PRND: variants seen among roughly 807,000 people sequenced by gnomAD.
PRND encodes prion-like protein doppel.
For missense variants in PRND, 227 were observed against 223.3 expected (o/e 1.02, Z -0.11); for synonymous variants, 94 against 93.2 (o/e 1.01, Z -0.05).
In PRND at chr20:4,726,255, A is replaced by C. The variant is rs1256939364; in HGVS notation, c.*1173A>C. On this transcript the variant is annotated 3_prime_UTR_variant, in exon 2 of 2. Coordinates refer to ENST00000305817, the MANE Select transcript of PRND (RefSeq NM_012409.4). ...CATATTTGCTTCTAATGTTCCCCTA[A>C]CCCTACATGCATGTTTTATGTGCAC... The C allele has an allele frequency of 6.1e-6, 1 of 164,738 alleles. No individual in the cohort carries two copies. Among genetic ancestry groups the C allele is most frequent in the Non-Finnish European group, 1.5e-5 (1 of 67,822 alleles). 10.2% of individuals were successfully genotyped at this position (164,738 alleles called of 1,614,324 possible). A position where few individuals can be genotyped will look rare whatever the true frequency, so the allele number is the denominator to read the frequency against.
At position 4,726,309 on chromosome 20, in the gene PRND, T is replaced by G. The variant is rs757911737; in HGVS notation, c.*1227T>G. 1.2e-5 allele frequency: 2 copies of G among 166,952 alleles called. No individual in the cohort carries two copies. Among genetic ancestry groups the G allele is most frequent in the Non-Finnish European group, 2.9e-5 (2 of 68,108 alleles). 10.3% of individuals were successfully genotyped at this position (166,952 alleles called of 1,614,324 possible). On this transcript the variant is annotated 3_prime_UTR_variant, in exon 2 of 2. Coordinates refer to ENST00000305817, the MANE Select transcript of PRND (RefSeq NM_012409.4). ...TATGAGTATCTTTAAATATAATCCC[T>G]TTACATCTGTGTTCTATGCAAAGTC...
At chr20:4,722,807 A>G (rs1020790017) in intron 1 of PRND, among the ~76,000 whole-genome samples, 2 of 152,042 alleles carry the variant, frequency 1.3e-5, no homozygotes, top group Non-Finnish European at 2.9e-5. Context: ...CCATTTCCCT[A>G]ATCCACACAG....
In PRND at chr20:4,724,707, T is replaced by C. The variant is rs762304217; in HGVS notation, c.156T>C (p.Ala52=). Residue 52 remains alanine (A), a synonymous_variant, in exon 2 of 2, where the codon GCT becomes GCC. Coordinates refer to ENST00000305817, the MANE Select transcript of PRND (RefSeq NM_012409.4). This position sits in a 1 kb window ranked among gnomAD's most constrained non-coding sequence, Gnocchi z 4.8. ...STAQITEAQV[A]ENRPGAFIKQ... ...CCCAGATCACTGAGGCCCAGGTGGC[T>C]GAGAACCGCCCGGGAGCCTTCATCA... 10 of 1,614,190 alleles carry C rather than the reference T, an allele frequency of 6.2e-6. No homozygotes were observed. The Admixed American group carries it at 1.5e-4, about 24-fold the overall frequency.
chr20:4,726,314 A>G lies in PRND; in HGVS notation c.*1232A>G. ...GTATCTTTAAATATAATCCCTTTAC[A>G]TCTGTGTTCTATGCAAAGTCTCTCA... On this transcript the variant is annotated 3_prime_UTR_variant, in exon 2 of 2. Coordinates refer to ENST00000305817, the MANE Select transcript of PRND (RefSeq NM_012409.4). 1 of 166,808 alleles carries G rather than the reference A, an allele frequency of 6.0e-6. No individual in the cohort carries two copies. The allele number at this position is 166,808 out of a possible 1,614,324, so 10.3% of individuals were successfully genotyped here. A position where few individuals can be genotyped will look rare whatever the true frequency, so the allele number is the denominator to read the frequency against.
Position 4,724,981 on chromosome 20 carries a change from C to T in PRND, c.430C>T (p.His144Tyr). 1.2e-6 allele frequency: 2 copies of T among 1,613,932 alleles called. No homozygotes were observed. Among genetic ancestry groups the T allele is most frequent in the Non-Finnish European group, 1.7e-6 (2 of 1,179,956 alleles). ...GGTCCAGGAGCTCTGCTCCCTCAAG[C>T]ATTGCGAGTTTTGGTTGGAGAGGGG... ...RLVQELCSLK[H>Y]CEFWLERGAG... is the part of the protein sequence containing the mutation. The change falls in exon 2 of 2, where the codon CAT (histidine) becomes TAT (tyrosine). Residue 144 changes from histidine to tyrosine, a missense_variant. His to Tyr is a moderately conservative substitution (Grantham distance 83, BLOSUM62 2). Transcript: ENST00000305817. The surrounding 1 kb of genome is among the most constrained non-coding windows in gnomAD (Gnocchi z 4.8).
Position 4,724,439 on chromosome 20 carries a change from C to G in PRND, c.-11-102C>G. 5 of 1,425,476 alleles carry G rather than the reference C, an allele frequency of 3.5e-6. No individual in the cohort carries two copies. The South Asian group carries it at 5.8e-5, about 17-fold the overall frequency. The allele number at this position is 1,425,476 out of a possible 1,614,324, so 88.3% of individuals were successfully genotyped here. On this transcript the variant is annotated intron_variant, in intron 1 of 1. Coordinates refer to ENST00000305817, the MANE Select transcript of PRND (RefSeq NM_012409.4). This position sits in a 1 kb window ranked among gnomAD's most constrained non-coding sequence, Gnocchi z 4.8. ...TGCTTTTGAGACCACATAAATAGCA[C>G]AAGGATGCGATTCCTTCCTTAAAAT...
intron 1 of PRND, among the ~76,000 whole-genome samples, chr20:4,723,976 ATG>A (rs796277448): frequency 5.1e-4 from 55 of 108,342 alleles, no homozygotes; most frequent in African/African-American, 2.0e-3. Context: ...GTGTGTGTGT[ATG>A]TGTGTGTGTC....
chr20:4,722,835 A>G (rs1180095373), intron 1 of PRND, among the ~76,000 whole-genome samples: 1 of 152,110 alleles, frequency 6.6e-6, no homozygotes, highest in Admixed American at 6.5e-5. Context: ...CCCAGGTGCT[A>G]GAATGCCCTG....
In PRND at chr20:4,724,926, C is replaced by A; in HGVS notation, c.375C>A (p.Asn125Lys). 2.5e-6 allele frequency: 4 copies of A among 1,614,200 alleles called. No individual in the cohort carries two copies. The highest frequency in any genetic ancestry group is 3.4e-6 in the Non-Finnish European group (4 of 1,180,048). The change falls in exon 2 of 2, where the codon AAC becomes AAA. Residue 125 changes from asparagine (N) to lysine (K), a missense_variant. Physicochemically the swap from Asn to Lys is moderately conservative, Grantham distance 94. Transcript: ENST00000305817. The surrounding 1 kb of genome is among the most constrained non-coding windows in gnomAD (Gnocchi z 4.8). ...ANQGEFQKPD[N>K]KLHQQVLWRL... ...AGGGGGAGTTCCAGAAGCCAGACAA[C>A]AAGCTCCACCAGCAGGTGCTCTGGC...
intron 1 of PRND, among the ~76,000 whole-genome samples, chr20:4,722,252 T>G (rs1445156811): frequency 6.6e-6 from 1 of 152,136 alleles, no homozygotes; most frequent in Non-Finnish European, 1.5e-5. Context: ...TGCTTTTATT[T>G]TTTTTATTTG....
Position 4,724,742 on chromosome 20 carries a change from G to A in PRND, c.191G>A (p.Arg64His), listed in dbSNP as rs747210588. The A allele has an allele frequency of 4.3e-6, 7 of 1,614,228 alleles. No homozygotes were observed. Among genetic ancestry groups the A allele is most frequent in the Admixed American group, 1.7e-5 (1 of 60,026 alleles). Residue 64 changes from arginine (R) to histidine (H), a missense_variant, in exon 2 of 2, where the codon CGC (arginine) becomes CAC (histidine). Physicochemically the swap from Arg to His is conservative, Grantham distance 29 (BLOSUM62 0). Coordinates refer to ENST00000305817, the MANE Select transcript of PRND (RefSeq NM_012409.4). The surrounding 1 kb of genome is among the most constrained non-coding windows in gnomAD (Gnocchi z 4.8). ...CCGGGAGCCTTCATCAAGCAAGGCC[G>A]CAAGCTCGACATTGACTTCGGAGCC... ...NRPGAFIKQG[R>H]KLDIDFGAEG...
chr20:4,723,592 A>G (rs1173059291), intron 1 of PRND, among the ~76,000 whole-genome samples: 1 of 152,166 alleles, frequency 6.6e-6, no homozygotes, highest in African/African-American at 2.4e-5. Context: ...CTCAGAATGG[A>G]TGGCAGAATG....
Position 4,724,900 on chromosome 20 carries a change from C to G in PRND, c.349C>G (p.Gln117Glu). Reference protein sequence around the residue: ...GCINATQAANQGEFQKPDNKL... With the variant: ...GCINATQAANEGEFQKPDNKL... ...CATCAATGCCACCCAGGCGGCGAACCAGGGGGAGTTCCAGAAGCCAGACAA... is the reference window on the plus strand; with the variant it reads ...CATCAATGCCACCCAGGCGGCGAACGAGGGGGAGTTCCAGAAGCCAGACAA... The change falls in exon 2 of 2, where the codon CAG (glutamine) becomes GAG (glutamate). Residue 117 changes from glutamine (Q) to glutamate (E), a missense_variant. Coordinates refer to ENST00000305817, the MANE Select transcript of PRND (RefSeq NM_012409.4). The surrounding 1 kb of genome is among the most constrained non-coding windows in gnomAD (Gnocchi z 4.8). 1 of 1,614,170 alleles carries G rather than the reference C, an allele frequency of 6.2e-7. No homozygotes were observed. Among genetic ancestry groups the G allele is most frequent in the South Asian group, 1.1e-5 (1 of 91,086 alleles).
chr20:4,723,761 T>C (rs1923170159), intron 1 of PRND, among the ~76,000 whole-genome samples: 1 of 151,994 alleles, frequency 6.6e-6, no homozygotes, highest in Non-Finnish European at 1.5e-5. Flanking sequence ...GAGACCCCGT[T>C]TCTACAACAT....
Position 4,724,938 on chromosome 20 carries a change from G to T in PRND, c.387G>T (p.Gln129His). ...AGAAGCCAGACAACAAGCTCCACCA[G>T]CAGGTGCTCTGGCGGCTGGTCCAGG... The part of the protein sequence containing the change: ...EFQKPDNKLH[Q>H]QVLWRLVQEL... Residue 129 changes from glutamine (Q) to histidine (H), a missense_variant, in exon 2 of 2, where the codon CAG becomes CAT. Transcript: ENST00000305817. This position sits in a 1 kb window ranked among gnomAD's most constrained non-coding sequence, Gnocchi z 4.8. 6.2e-7 allele frequency: 1 copy of T among 1,614,180 alleles called. No individual in the cohort carries two copies. The highest frequency in any genetic ancestry group is 8.5e-7 in the Non-Finnish European group (1 of 1,180,048).
In PRND at chr20:4,724,584, C is replaced by T; in HGVS notation, c.33C>T (p.Ala11=). The T allele has an allele frequency of 6.2e-7, 1 of 1,614,076 alleles. No individual in the cohort carries two copies. The highest frequency in any genetic ancestry group is 8.5e-7 in the Non-Finnish European group (1 of 1,180,032). MRKHLSWWWL[A]TVCMLLFSHL... is the part of the protein sequence containing the mutation. ...AGCACCTGAGCTGGTGGTGGCTGGC[C>T]ACTGTCTGCATGCTGCTCTTCAGCC... is the stretch of plus-strand genomic sequence containing the variant. Residue 11 remains alanine, a synonymous_variant, in exon 2 of 2, where the codon GCC becomes GCT. Transcript: ENST00000305817. The surrounding 1 kb of genome is among the most constrained non-coding windows in gnomAD (Gnocchi z 4.8).
intron 1 of PRND, among the ~76,000 whole-genome samples, chr20:4,723,739 G>C (rs1227906381): frequency 6.6e-6 from 1 of 152,116 alleles, no homozygotes; most frequent in Non-Finnish European, 1.5e-5. Flanking sequence ...ACTTGAGCCT[G>C]GGCAACATAG....
At position 4,724,710 on chromosome 20, in the gene PRND, G is replaced by C. The variant is rs781221754; in HGVS notation, c.159G>C (p.Glu53Asp). The change falls in exon 2 of 2, where the codon GAG becomes GAC. Residue 53 changes from glutamate (E) to aspartate (D), a missense_variant. Transcript: ENST00000305817. The surrounding 1 kb of genome is among the most constrained non-coding windows in gnomAD (Gnocchi z 4.8). ...AGATCACTGAGGCCCAGGTGGCTGA[G>C]AACCGCCCGGGAGCCTTCATCAAGC... is the stretch of plus-strand genomic sequence containing the variant. ...TAQITEAQVA[E>D]NRPGAFIKQG... 8.1e-6 allele frequency: 13 copies of C among 1,614,070 alleles called. No homozygotes were observed. The highest frequency in any genetic ancestry group is 8.0e-5 in the African/African-American group (6 of 74,924).
chr20:4,724,278 A>G lies in PRND; in HGVS notation c.-11-263A>G, dbSNP rs1160804495. Among the ~76,000 whole-genome samples the G allele has an allele frequency of 3.3e-5, 5 of 152,162 alleles. No homozygotes were observed. Among genetic ancestry groups the G allele is most frequent in the African/African-American group, 1.2e-4 (5 of 41,434 alleles). Reference sequence around the variant, plus strand: ...TATTTTCCCATGCGTATTCAAAGCCACTATAATTGCCCTTTGCCATTCTTA... The same window carrying G: ...TATTTTCCCATGCGTATTCAAAGCCGCTATAATTGCCCTTTGCCATTCTTA... On this transcript the variant is annotated intron_variant, in intron 1 of 1. Transcript: ENST00000305817. This position sits in a 1 kb window ranked among gnomAD's most constrained non-coding sequence, Gnocchi z 4.8.
Sources: allele counts gnomAD v4.1 joint callset (sites outside exome capture counted in the v4.1 genomes callset), GRCh38; gene constraint gnomAD v4.1.1; non-coding constraint Gnocchi (gnomAD v3.1); transcripts MANE v1.5; gene names NCBI Gene and HGNC (gene_info 2026-07-23, HGNC 2026-07-21).